The following ZNF609 variants were observed in gnomAD, a reference collection of about 807,000 sequenced individuals.
ZNF609 encodes the protein zinc finger protein 609.
ZNF609 carries 11 observed loss-of-function variants against 109.5 expected under a neutral mutation model. That is an observed-to-expected ratio of 0.10 (90% CI 0.06 to 0.17). ZNF609 has a LOEUF of 0.17. ZNF609 is among the 10% of genes least tolerant of loss of function. The pLI is 1.00. For missense variants in ZNF609, 1,559 were observed against 1,772.4 expected (o/e 0.88, Z 2.16); for synonymous variants, 646 against 662.0 (o/e 0.98, Z 0.37).
chr15:64,650,437 T>TA (rs144475549), intron 3 of ZNF609, among the ~76,000 whole-genome samples: 6,794 of 149,396 alleles, frequency 0.045, 525 homozygotes, highest in African/African-American at 0.16. Flanking sequence ...AAAAAAATTG[T>TA]AAAAAAAATA....
chr15:64,638,185 A>G (rs1377161891), intron 3 of ZNF609, among the ~76,000 whole-genome samples: 2 of 151,760 alleles, frequency 1.3e-5, no homozygotes, highest in Non-Finnish European at 2.9e-5. Flanking sequence ...CCCATTGCAC[A>G]GCAGTGTCAC....
At chr15:64,585,213 T>C (rs1220652734) in intron 2 of ZNF609, among the ~76,000 whole-genome samples, 2 of 151,988 alleles carry the variant, frequency 1.3e-5, no homozygotes, top group Non-Finnish European at 1.5e-5. Flanking sequence ...TAATTCCAGC[T>C]ACTCGGGAGG....
chr15:64,505,772 G>GT (rs1196508157), intron 2 of ZNF609, among the ~76,000 whole-genome samples: 1 of 152,090 alleles, frequency 6.6e-6, no homozygotes, highest in African/African-American at 2.4e-5. Flanking sequence ...TCCTTTCAAG[G>GT]TAAGTATTCG....
chr15:64,525,909 C>T (rs1454455490), intron 2 of ZNF609, among the ~76,000 whole-genome samples: 1 of 151,982 alleles, frequency 6.6e-6, no homozygotes, highest in Non-Finnish European at 1.5e-5. Flanking sequence ...CTGTTTCAGC[C>T]TCCCAAATAA....
intron 3 of ZNF609, among the ~76,000 whole-genome samples, chr15:64,654,698 C>T (rs948676892): frequency 2.0e-5 from 3 of 152,158 alleles, no homozygotes; most frequent in Non-Finnish European, 4.4e-5. Context: ...TAGCCCCTTA[C>T]TACAGATAGG....
chr15:64,473,835 C>T (rs1349111516), intron 1 of ZNF609, among the ~76,000 whole-genome samples: 8 of 151,838 alleles, frequency 5.3e-5, no homozygotes, highest in African/African-American at 1.2e-4. Flanking sequence ...AGTGCAGTGG[C>T]GTGATCTCGG....
At chr15:64,552,001 A>C (rs2140393629) in intron 2 of ZNF609, among the ~76,000 whole-genome samples, 1 of 137,580 alleles carries the variant, frequency 7.3e-6, no homozygotes, top group Admixed American at 7.0e-5. Flanking sequence ...AAAAAAAAAA[A>C]AGTTTTTTCT....
At chr15:64,519,587 C>A (rs1893862283) in intron 2 of ZNF609, among the ~76,000 whole-genome samples, 1 of 152,202 alleles carries the variant, frequency 6.6e-6, no homozygotes, top group African/African-American at 2.4e-5. Context: ...TGGATTGAGG[C>A]ACACTTTGAG....
rs534285698 is a variant in ZNF609, at chr15:64,528,505, A to G, written c.747+28339A>G. ...AGGCACTTTATTGATGGTACATGAC[A>G]AGGTGGGGCACCCTAGGCCCCTCCC... On this transcript the variant is annotated intron_variant, in intron 2 of 9. Transcript: ENST00000326648. 4.6e-5 allele frequency among the ~76,000 whole-genome samples: 7 copies of G among 151,828 alleles called. No homozygotes were observed. In the East Asian group the frequency reaches 1.4e-3, roughly 29 times the overall value.
chr15:64,592,008 C>CT (rs1163881803), intron 2 of ZNF609, among the ~76,000 whole-genome samples: 3 of 151,828 alleles, frequency 2.0e-5, no homozygotes, highest in Non-Finnish European at 2.9e-5. Flanking sequence ...CACACCCGGC[C>CT]TTTTTTTAAT....
rs372844209 is a variant in ZNF609, at chr15:64,675,990, A to G, written c.3136A>G (p.Ile1046Val). 4.3e-5 allele frequency: 70 copies of G among 1,614,254 alleles called. No individual in the cohort carries two copies. The South Asian group carries it at 4.9e-4, about 11-fold the overall frequency. The change falls in exon 5 of 10, where the codon ATT becomes GTT. Residue 1046 changes from isoleucine to valine, a missense_variant. Coordinates refer to ENST00000326648, the MANE Select transcript of ZNF609 (RefSeq NM_015042.2). ...GGAAGAGTGGAAGCAAAAGCCGTCAATTCCACCAACTCTCACCAAGGCCCC... is the reference window on the plus strand; with the variant it reads ...GGAAGAGTGGAAGCAAAAGCCGTCAGTTCCACCAACTCTCACCAAGGCCCC... ...LKEEWKQKPS[I>V]PPTLTKAPSL...
intron 2 of ZNF609, 190 bp downstream of exon 2, chr15:64,500,356 T>C (rs1436862306): frequency 1.2e-6 from 1 of 831,890 alleles, no homozygotes; most frequent in Non-Finnish European, 2.0e-6. Context: ...CAGACTCATT[T>C]ACAGCAGGCC....
chr15:64,557,145 C>G (rs1431507477), intron 2 of ZNF609, among the ~76,000 whole-genome samples: 1 of 151,110 alleles, frequency 6.6e-6, no homozygotes, highest in Non-Finnish European at 1.5e-5. Context: ...GCTAAAATAT[C>G]TGCCACTGAG....
chr15:64,470,226 T>G (rs1303319701), intron 1 of ZNF609: 1 of 151,990 alleles, frequency 6.6e-6, no homozygotes, highest in Non-Finnish European at 1.5e-5. Context: ...TGTAATTTTT[T>G]TTGTAGAGAT....
intron 2 of ZNF609, among the ~76,000 whole-genome samples, chr15:64,521,797 A>C (rs1346473853): frequency 6.6e-6 from 1 of 152,132 alleles, no homozygotes; most frequent in African/African-American, 2.4e-5. Flanking sequence ...CTTCTGAGGA[A>C]AAAAGGAAGA....
Position 64,465,006 on chromosome 15 carries a change from A to G in ZNF609, c.-128+4168A>G, listed in dbSNP as rs1447123369. ...AGAATAGAGAAAGAGATTCTTCTGT[A>G]ACTGTGGTTTTTTAGATCACTCAGT... On this transcript the variant is annotated intron_variant, in intron 1 of 9. Transcript: ENST00000326648. Among the ~76,000 whole-genome samples the G allele has an allele frequency of 3.9e-5, 6 of 152,092 alleles. No individual in the cohort carries two copies. In the East Asian group the frequency reaches 1.2e-3, roughly 29 times the overall value.
intron 3 of ZNF609, among the ~76,000 whole-genome samples, chr15:64,640,885 T>A (rs1299762807): frequency 6.6e-6 from 1 of 152,232 alleles, no homozygotes; most frequent in African/African-American, 2.4e-5. Context: ...AGTGTAAGAA[T>A]GTATAGATGG....
Position 64,674,504 on chromosome 15 carries a change from T to A in ZNF609, c.1650T>A (p.Gly550=). ...ATGCAGATCTTGGGAGCTGCAACGG[T>A]GCATCTGTCTCACAAAAAGGTTCCT... ...ILHADLGSCN[G]ASVSQKGSLS... is the part of the protein sequence containing the mutation. The change falls in exon 5 of 10, where the codon GGT becomes GGA. Residue 550 remains glycine, a synonymous_variant. Transcript: ENST00000326648. 6.2e-7 allele frequency: 1 copy of A among 1,614,098 alleles called. No individual in the cohort carries two copies. Among genetic ancestry groups the A allele is most frequent in the Non-Finnish European group, 8.5e-7 (1 of 1,180,002 alleles).
intron 1 of ZNF609, among the ~76,000 whole-genome samples, chr15:64,473,451 C>A (rs899240076): frequency 1.3e-5 from 2 of 151,838 alleles, no homozygotes; most frequent in Non-Finnish European, 2.9e-5. Context: ...CCTACCTCGG[C>A]CTCCCAAAGT....
Sources: gnomAD v4.1 joint callset for allele counts (sites outside exome capture counted in the v4.1 genomes callset) on GRCh38, gnomAD v4.1.1 for gene constraint, MANE v1.5 for transcripts, NCBI Gene and HGNC (gene_info 2026-07-23, HGNC 2026-07-21) for gene names.